The following PPP2R5E variants were observed in gnomAD, a reference collection of about 807,000 sequenced individuals.
PPP2R5E encodes the protein protein phosphatase 2 regulatory subunit B'epsilon.
In PPP2R5E, 4 loss-of-function variants were observed where a neutral mutation model predicts 65.3. The observed-to-expected ratio is 0.06, with a 90% confidence interval of 0.03 to 0.14. The LOEUF (loss-of-function observed/expected upper bound fraction) is 0.14, where lower values mean the gene tolerates loss of function less well. Among genes scored for constraint, PPP2R5E ranks in the 10% least tolerant of loss-of-function variants. The probability of loss-of-function intolerance (pLI) is 1.00; values close to 1 mark genes in which losing one functional copy is unlikely to be tolerated. For synonymous variants in PPP2R5E, 183 were observed against 187.4 expected, an observed-to-expected ratio of 0.98 and a Z score of 0.19; for missense variants, 274 against 556.1, an observed-to-expected ratio of 0.49 and a Z score of 5.10.
chr14:63,532,054 A>T (rs917620078), intron 2 of PPP2R5E, among the ~76,000 whole-genome samples: 2 of 152,338 alleles, frequency 1.3e-5, no homozygotes, highest in Non-Finnish European at 2.9e-5. Context: ...TTTAAGTCAG[A>T]TATCCCTTTG....
chr14:63,473,618 C>T (rs984537905), intron 2 of PPP2R5E, among the ~76,000 whole-genome samples: 1 of 152,148 alleles, frequency 6.6e-6, no homozygotes, highest in Admixed American at 6.5e-5. Flanking sequence ...ACCAAAACAG[C>T]TCTCTAGGAA....
intron 2 of PPP2R5E, among the ~76,000 whole-genome samples, chr14:63,519,710 G>A (rs1272751863): frequency 6.6e-6 from 1 of 150,736 alleles, no homozygotes; most frequent in Non-Finnish European, 1.5e-5. Context: ...TACCGAGGCT[G>A]GAGTGCAGCG....
chr14:63,445,913 A>T (rs935068220), intron 3 of PPP2R5E, among the ~76,000 whole-genome samples: 1 of 152,000 alleles, frequency 6.6e-6, no homozygotes, highest in African/African-American at 2.4e-5. Flanking sequence ...ATTTCTCTGT[A>T]GCATGTGATG....
chr14:63,509,267 CTTTTTTTTTTT>C (rs10553696), intron 2 of PPP2R5E, among the ~76,000 whole-genome samples: 1,852 of 108,122 alleles, frequency 0.017, 36 homozygotes, highest in Non-Finnish European at 0.024. Context: ...TTAAAATATC[CTTTTTTTTTTT>C]TTTTTTTTTT....
At chr14:63,538,407 C>T (rs1893760772) in intron 2 of PPP2R5E, among the ~76,000 whole-genome samples, 1 of 151,638 alleles carries the variant, frequency 6.6e-6, no homozygotes. Flanking sequence ...TTACAGGTGC[C>T]ACCACCGCGC....
chr14:63,482,900 G>C (rs541580703), intron 2 of PPP2R5E, among the ~76,000 whole-genome samples: 85 of 152,160 alleles, frequency 5.6e-4, no homozygotes, highest in Non-Finnish European at 1.1e-3. Context: ...CTAGGGCTCA[G>C]ACACTGTTCT....
At chr14:63,419,642 T>G (rs1007288867) in intron 4 of PPP2R5E, among the ~76,000 whole-genome samples, 8 of 150,100 alleles carry the variant, frequency 5.3e-5, no homozygotes, top group African/African-American at 1.9e-4. Flanking sequence ...CAACAGATGG[T>G]GAAGGCAACA....
intron 2 of PPP2R5E, among the ~76,000 whole-genome samples, chr14:63,503,359 A>C (rs1236522644): frequency 1.3e-5 from 2 of 152,214 alleles, no homozygotes; most frequent in Non-Finnish European, 1.5e-5. Flanking sequence ...AGGCAGGAAC[A>C]GGCCTCTATG....
intron 2 of PPP2R5E, among the ~76,000 whole-genome samples, chr14:63,499,983 T>G (rs1424286460): frequency 6.6e-6 from 1 of 152,224 alleles, no homozygotes; most frequent in African/African-American, 2.4e-5. Flanking sequence ...ATTTGACTCA[T>G]TATTTATGCT....
At chr14:63,493,657 ATG>A (rs1295310143) in intron 2 of PPP2R5E, among the ~76,000 whole-genome samples, 1 of 77,682 alleles carries the variant, frequency 1.3e-5, no homozygotes, top group African/African-American at 2.2e-4. Context: ...AGTTTTGCAC[ATG>A]TGGCAAGACA....
chr14:63,417,116 A>G (rs1277490645), intron 4 of PPP2R5E, among the ~76,000 whole-genome samples: 1 of 152,234 alleles, frequency 6.6e-6, no homozygotes, highest in Non-Finnish European at 1.5e-5. Context: ...ATCTTTATCC[A>G]TGCATGCTTT....
At chr14:63,418,484 T>G (rs1183405303) in intron 4 of PPP2R5E, among the ~76,000 whole-genome samples, 1 of 152,206 alleles carries the variant, frequency 6.6e-6, no homozygotes, top group Admixed American at 6.5e-5. Context: ...AAATCTCCCT[T>G]AAGTTTCTAA....
intron 2 of PPP2R5E, among the ~76,000 whole-genome samples, chr14:63,509,806 A>G (rs896189670): frequency 6.6e-6 from 1 of 152,068 alleles, no homozygotes; most frequent in Non-Finnish European, 1.5e-5. Flanking sequence ...AAGGACAGCA[A>G]CTCTATCCCT....
intron 2 of PPP2R5E, among the ~76,000 whole-genome samples, chr14:63,473,793 T>G (rs947244528): frequency 2.2e-4 from 33 of 152,370 alleles, no homozygotes; most frequent in Admixed American, 1.2e-3. Flanking sequence ...TTGGGAGTTT[T>G]AACCCACATG....
chr14:63,484,386 CAAAG>C (rs1194440023), intron 2 of PPP2R5E, among the ~76,000 whole-genome samples: 1 of 149,660 alleles, frequency 6.7e-6, no homozygotes, highest in African/African-American at 2.5e-5. Flanking sequence ...CACACACACA[CAAAG>C]AATCGTATCA....
chr14:63,421,986 A>G lies in PPP2R5E; in HGVS notation c.456+7T>C. 1 of 1,590,816 alleles carries G rather than the reference A, an allele frequency of 6.3e-7. No homozygotes were observed. Among genetic ancestry groups the G allele is most frequent in the South Asian group, 1.1e-5 (1 of 90,440 alleles). Reference sequence around the variant, plus strand: ...TTTCTTTTATAACAAATGGTATTTCAAAGTACCTGTAAGTGTGGCCACGAT... The same window carrying G: ...TTTCTTTTATAACAAATGGTATTTCGAAGTACCTGTAAGTGTGGCCACGAT... On this transcript the variant is annotated splice_region_variant and intron_variant, in intron 4 of 13. Transcript: ENST00000337537.
intron 2 of PPP2R5E, among the ~76,000 whole-genome samples, chr14:63,472,513 T>A (rs7146697): frequency 0.026 from 4,000 of 152,314 alleles, 182 homozygotes; most frequent in African/African-American, 0.092. Flanking sequence ...TGACATTTGT[T>A]GAACTTGCAT....
At chr14:63,414,924 C>T (rs891751974) in intron 5 of PPP2R5E, among the ~76,000 whole-genome samples, 1 of 151,996 alleles carries the variant, frequency 6.6e-6, no homozygotes, top group Non-Finnish European at 1.5e-5. Context: ...GCATTCCTGG[C>T]TATTTAAAAT....
At chr14:63,453,629 C>G in intron 3 of PPP2R5E, 60 bp downstream of exon 3, 1 of 1,528,726 alleles carries the variant, frequency 6.5e-7, no homozygotes, top group Non-Finnish European at 8.9e-7. Flanking sequence ...GCAATATATA[C>G]ACCTGTGAGT....
Sources: allele counts gnomAD v4.1 joint callset (sites outside exome capture counted in the v4.1 genomes callset), GRCh38; gene constraint gnomAD v4.1.1; transcripts MANE v1.5; gene names NCBI Gene and HGNC (gene_info 2026-07-23, HGNC 2026-07-21).